ZC3H7A: variants seen among roughly 807,000 people sequenced by gnomAD.
ZC3H7A encodes zinc finger CCCH domain-containing protein 7A.
In ZC3H7A, 44 loss-of-function variants were observed where a neutral mutation model predicts 125.5. The observed-to-expected ratio is 0.35, with a 90% CI of 0.28 to 0.45. The LOEUF is 0.45. Among genes scored for constraint, ZC3H7A ranks in the 20% least tolerant of loss-of-function variants. ZC3H7A has a pLI of 1.00. For synonymous variants in ZC3H7A, 399 were observed against 391.2 expected (o/e 1.02, Z -0.23); for missense variants, 977 against 1,170.7 (o/e 0.83, Z 2.41).
rs912141853 is a variant in ZC3H7A at position 11,776,925 on chromosome 16, A to G, written c.307-16T>C. On this transcript the variant is annotated splice_polypyrimidine_tract_variant and intron_variant, in intron 4 of 22. Transcript: ENST00000355758. ...CATGGAAACCCTGGTGTGTAAGACC[A>G]AAGAATAAAGTCAGCAATCAAACAA... 1 of 1,550,190 alleles carries G rather than the reference A, an allele frequency of 6.5e-7. No individual in the cohort carries two copies. Among genetic ancestry groups the G allele is most frequent in the Non-Finnish European group, 8.7e-7 (1 of 1,152,326 alleles).
At chr16:11,768,141 A>T (rs945724872) in intron 12 of ZC3H7A, among the ~76,000 whole-genome samples, 174 bp downstream of exon 12, 6 of 152,218 alleles carry the variant, frequency 3.9e-5, no homozygotes, top group Non-Finnish European at 8.8e-5. Flanking sequence ...GCCTTATCCT[A>T]TTATACTCCA....
Position 11,794,766 on chromosome 16 carries a change from C to A in ZC3H7A, c.-35+2358G>T, listed in dbSNP as rs1412361224. Among the ~76,000 whole-genome samples, 4 of 152,202 alleles carry A rather than the reference C, an allele frequency of 2.6e-5. No homozygotes were observed. In the East Asian group the frequency reaches 7.7e-4, roughly 29 times the overall value. ...TCTATAATTGATTCTCTTCCACTTACAATGACAATTTAACCCACCCCAACT... is the reference window on the plus strand; with the variant it reads ...TCTATAATTGATTCTCTTCCACTTAAAATGACAATTTAACCCACCCCAACT... On this transcript the variant is annotated intron_variant, in intron 1 of 22. Coordinates refer to ENST00000355758, the MANE Select transcript of ZC3H7A (RefSeq NM_014153.4).
intron 15 of ZC3H7A, 92 bp from the exon 16 acceptor site, chr16:11,763,751 AT>A (rs2052798359): frequency 1.3e-5 from 1 of 75,274 alleles, no homozygotes; most frequent in South Asian, 3.6e-4. Context: ...ATATATATAT[AT>A]ATATATATAT....
chr16:11,754,605 A>G (rs2052607479), intron 21 of ZC3H7A, among the ~76,000 whole-genome samples: 4 of 152,010 alleles, frequency 2.6e-5, no homozygotes, highest in Admixed American at 2.6e-4. Flanking sequence ...TTTAAGAATA[A>G]ATGTAGCTGG....
chr16:11,769,435 G>A lies in ZC3H7A; in HGVS notation c.1109-340C>T, dbSNP rs147307886. On this transcript the variant is annotated intron_variant, in intron 10 of 22. Coordinates refer to ENST00000355758, the MANE Select transcript of ZC3H7A (RefSeq NM_014153.4). Reference sequence around the variant, plus strand: ...CTTTTGAAAATATGGGGCCAGGTGCGGTGGCTCACACCTGGCAATCCCAGT... The same window carrying A: ...CTTTTGAAAATATGGGGCCAGGTGCAGTGGCTCACACCTGGCAATCCCAGT... Among the ~76,000 whole-genome samples the A allele has an allele frequency of 5.8e-3, 886 of 152,030 alleles. 4 individuals are homozygous for A. Among genetic ancestry groups the A allele is most frequent in the Non-Finnish European group, 6.4e-3 (436 of 67,994 alleles).
At chr16:11,774,830 G>A (rs1472089321) in intron 8 of ZC3H7A, 150 bp downstream of exon 8, 6 of 1,003,180 alleles carry the variant, frequency 6.0e-6, no homozygotes, top group South Asian at 3.3e-5. Context: ...AGGCACAAAG[G>A]GAGCATTGGA....
At chr16:11,781,374 G>C (rs773755901) in intron 3 of ZC3H7A, 51 bp downstream of exon 3, 110 of 1,574,416 alleles carry the variant, frequency 7.0e-5, no homozygotes, top group Non-Finnish European at 8.8e-5. Context: ...ACAAATTACA[G>C]TTCACAAGCC....
chr16:11,761,907 T>C lies in ZC3H7A; in HGVS notation c.2213+3A>G. The C allele has an allele frequency of 6.2e-7, 1 of 1,611,924 alleles. No homozygotes were observed. The highest frequency in any genetic ancestry group is 8.5e-7 in the Non-Finnish European group (1 of 1,179,536). On this transcript the variant is annotated splice_donor_region_variant and intron_variant, in intron 18 of 22. Coordinates refer to ENST00000355758, the MANE Select transcript of ZC3H7A (RefSeq NM_014153.4). ...AGGAATTGTTTCCACACACAATACT[T>C]ACGAATGCCTTGCTTTTGCACTACA...
At chr16:11,784,337 A>G (rs1165319707) in intron 1 of ZC3H7A, among the ~76,000 whole-genome samples, 1 of 152,020 alleles carries the variant, frequency 6.6e-6, no homozygotes, top group Non-Finnish European at 1.5e-5. Context: ...AAAAATTTAT[A>G]TATTTTTTTA....
chr16:11,767,898 G>A (rs73508186), intron 12 of ZC3H7A, among the ~76,000 whole-genome samples: 4,162 of 152,142 alleles, frequency 0.027, 218 homozygotes, highest in African/African-American at 0.095. Context: ...TTGATTTAAC[G>A]GTAAACATAT....
At chr16:11,766,276 G>A (rs994524960) in intron 13 of ZC3H7A, among the ~76,000 whole-genome samples, 1 of 152,132 alleles carries the variant, frequency 6.6e-6, no homozygotes, top group East Asian at 1.9e-4. Flanking sequence ...TTTAAAATCT[G>A]GTCATAGGCC....
chr16:11,773,091 G>A (rs917951129), intron 9 of ZC3H7A, among the ~76,000 whole-genome samples: 1 of 151,950 alleles, frequency 6.6e-6, no homozygotes, highest in Non-Finnish European at 1.5e-5. Context: ...CAGTGCAAAA[G>A]CAGCCACAGA....
In ZC3H7A at chr16:11,765,429, C is replaced by T. The variant is rs933009475; in HGVS notation, c.1719+60G>A. The T allele has an allele frequency of 7.6e-7, 1 of 1,324,472 alleles. No homozygotes were observed. The highest frequency in any genetic ancestry group is 1.5e-5 in the African/African-American group (1 of 67,836). 82.0% of individuals were successfully genotyped at this position (1,324,472 alleles called of 1,614,324 possible). On this transcript the variant is annotated intron_variant, in intron 14 of 22. Coordinates refer to ENST00000355758, the MANE Select transcript of ZC3H7A (RefSeq NM_014153.4). The surrounding 1 kb of genome is among the most constrained non-coding windows in gnomAD (Gnocchi z 4.8). Reference sequence around the variant, plus strand: ...GTGAATGTTTTATCACATGGCAGGACAATACCACTGGGCTTGCAAATTCAA... The same window carrying T: ...GTGAATGTTTTATCACATGGCAGGATAATACCACTGGGCTTGCAAATTCAA...
intron 1 of ZC3H7A, among the ~76,000 whole-genome samples, chr16:11,788,875 G>A (rs2053303422): frequency 6.6e-6 from 1 of 152,108 alleles, no homozygotes; most frequent in Non-Finnish European, 1.5e-5. Flanking sequence ...GCCTCCCAAA[G>A]TGCTGGGATT....
At chr16:11,781,578 T>A in intron 2 of ZC3H7A, 114 bp from the exon 3 acceptor site, 1 of 971,626 alleles carries the variant, frequency 1.0e-6, no homozygotes, top group Non-Finnish European at 1.6e-6. Flanking sequence ...TCAAGGCATA[T>A]TTCAAAGACT....
In ZC3H7A at chr16:11,763,560, C is replaced by T. The variant is rs772293041; in HGVS notation, c.1920G>A (p.Arg640=). 1.2e-6 allele frequency: 2 copies of T among 1,611,728 alleles called. No individual in the cohort carries two copies. Among genetic ancestry groups the T allele is most frequent in the Non-Finnish European group, 1.7e-6 (2 of 1,178,882 alleles). Residue 640 remains arginine (R), a synonymous_variant, in exon 16 of 23, where the codon CGG becomes CGA. Coordinates refer to ENST00000355758, the MANE Select transcript of ZC3H7A (RefSeq NM_014153.4). ...CQLDLCRHEV[R]YGCLREDECF... The stretch of plus-strand genomic sequence containing the variant: ...ACTCATCTTCCCTTAAACAGCCATA[C>T]CGAACTTCATGTCGACATAAATCAA...
At chr16:11,795,867 A>G (rs182809464) in intron 1 of ZC3H7A, among the ~76,000 whole-genome samples, 1 of 152,276 alleles carries the variant, frequency 6.6e-6, no homozygotes, top group African/African-American at 2.4e-5. Context: ...CAAAGGCACA[A>G]TCTCAGCTCA....
intron 9 of ZC3H7A, among the ~76,000 whole-genome samples, chr16:11,772,848 C>T (rs1447366775): frequency 6.6e-6 from 1 of 151,770 alleles, no homozygotes; most frequent in African/African-American, 2.4e-5. Context: ...AGATATGCAC[C>T]ACCATGCCCA....
In ZC3H7A at chr16:11,761,740, T is replaced by A. The variant is rs376372447; in HGVS notation, c.2213+170A>T. On this transcript the variant is annotated intron_variant, in intron 18 of 22. Transcript: ENST00000355758. ...CAGGAAAAAAACACTACTTGTGAAT[T>A]CTTATCTACTAGGTCCTAAAAATCT... is the stretch of plus-strand genomic sequence containing the variant. 2.9e-4 allele frequency: 277 copies of A among 958,660 alleles called. No individual in the cohort carries two copies. In the African/African-American group the frequency reaches 4.1e-3, roughly 14 times the overall value. The allele number at this position is 958,660 out of a possible 1,614,324, so 59.4% of individuals were successfully genotyped here. A position where few individuals can be genotyped will look rare whatever the true frequency, so the allele number is the denominator to read the frequency against.
Sources: gnomAD v4.1 joint callset for allele counts (sites outside exome capture counted in the v4.1 genomes callset) on GRCh38, gnomAD v4.1.1 for gene constraint, Gnocchi (gnomAD v3.1) non-coding constraint, MANE v1.5 for transcripts, NCBI Gene and HGNC (gene_info 2026-07-23, HGNC 2026-07-21) for gene names.